The following TENM3 variants were observed in gnomAD, a reference collection of about 807,000 sequenced individuals.
The protein encoded by TENM3 is teneurin-3.
A neutral mutation model predicts 255.1 loss-of-function variants in TENM3; 63 were observed. The observed-to-expected ratio is 0.25, with a 90% CI of 0.20 to 0.30. The LOEUF (loss-of-function observed/expected upper bound fraction) is 0.30, where lower values mean the gene tolerates loss of function less well. Among genes scored for constraint, TENM3 ranks in the 10% least tolerant of loss-of-function variants. TENM3 has a pLI of 1.00. For synonymous variants in TENM3, 1,306 were observed against 1,322.3 expected (o/e 0.99, Z 0.27); for missense variants, 2,929 against 3,461.1 (o/e 0.85, Z 3.86).
At chr4:181,557,233 C>A in the TENM3 span, among the ~76,000 whole-genome samples, 15 of 152,106 alleles carry the variant, frequency 9.9e-5, no homozygotes, top group Non-Finnish European at 1.8e-4. Context: ...TTATAATTGT[C>A]TCCACTGTGT....
At chr4:182,564,806 C>T (rs747481876) in intron 3 of TENM3, among the ~76,000 whole-genome samples, 1 of 152,124 alleles carries the variant, frequency 6.6e-6, no homozygotes, top group South Asian at 2.1e-4. Flanking sequence ...ACATCTGTTT[C>T]TCTCTTCTTT....
intron 3 of TENM3, among the ~76,000 whole-genome samples, chr4:182,485,534 T>C (rs1448624404): frequency 6.6e-6 from 1 of 152,196 alleles, no homozygotes. Context: ...CATATATGCA[T>C]ACATACAGTA....
intron 3 of TENM3, among the ~76,000 whole-genome samples, chr4:182,530,216 G>C (rs931586192): frequency 6.6e-6 from 1 of 152,078 alleles, no homozygotes. Flanking sequence ...CAGACCGCAG[G>C]CTCATATTTT....
At chr4:182,488,450 GT>G (rs1352604796) in intron 3 of TENM3, among the ~76,000 whole-genome samples, 2 of 148,368 alleles carry the variant, frequency 1.3e-5, no homozygotes, top group Non-Finnish European at 3.0e-5. Context: ...GACTTGCTAA[GT>G]TATCTATATA....
intron 19 of TENM3, among the ~76,000 whole-genome samples, chr4:182,745,587 G>A (rs7690035): frequency 0.36 from 54,531 of 151,966 alleles, 10,560 homozygotes; most frequent in East Asian, 0.63. Context: ...TATAAGTGAC[G>A]TAGTAGAGGC....
chr4:181,670,597 G>A, the TENM3 span, among the ~76,000 whole-genome samples: 1 of 152,178 alleles, frequency 6.6e-6, no homozygotes, highest in Non-Finnish European at 1.5e-5. Context: ...TAGACACAAG[G>A]CACTGAAGTT....
the TENM3 span, among the ~76,000 whole-genome samples, chr4:181,935,662 G>A: frequency 1.3e-5 from 2 of 152,064 alleles, no homozygotes; most frequent in African/African-American, 4.8e-5. Flanking sequence ...TCTGCATGCC[G>A]GGCACTCCTG....
the TENM3 span, among the ~76,000 whole-genome samples, chr4:181,771,713 C>T: frequency 6.6e-6 from 1 of 152,172 alleles, no homozygotes; most frequent in African/African-American, 2.4e-5. Flanking sequence ...TTTTTAAATG[C>T]AGATTCTGGT....
intron 12 of TENM3, among the ~76,000 whole-genome samples, chr4:182,694,521 T>C (rs2152612312): frequency 6.6e-6 from 1 of 152,356 alleles, no homozygotes; most frequent in South Asian, 2.1e-4. Flanking sequence ...GCTACATTGA[T>C]TTTCATGTAC....
the TENM3 span, among the ~76,000 whole-genome samples, chr4:181,872,505 G>A: frequency 1.3e-5 from 2 of 151,928 alleles, no homozygotes; most frequent in Admixed American, 6.6e-5. Context: ...CCCAGTGTGT[G>A]TTGTTCCCCT....
intron 1 of TENM3, among the ~76,000 whole-genome samples, chr4:182,157,663 T>A (rs1402449609): frequency 6.6e-6 from 1 of 152,162 alleles, no homozygotes; most frequent in Non-Finnish European, 1.5e-5. Context: ...TGATTCATGT[T>A]AAATAGATAG....
chr4:182,743,803 G>A (rs1401340951), intron 19 of TENM3, among the ~76,000 whole-genome samples: 1 of 152,052 alleles, frequency 6.6e-6, no homozygotes, highest in African/African-American at 2.4e-5. Flanking sequence ...GTGATTTCAG[G>A]ACCTGATATT....
At chr4:182,491,334 T>C (rs543266960) in intron 3 of TENM3, among the ~76,000 whole-genome samples, 108 of 152,244 alleles carry the variant, frequency 7.1e-4, no homozygotes, top group African/African-American at 2.5e-3. Flanking sequence ...CTGAATATTG[T>C]TAAACAATAC....
the TENM3 span, among the ~76,000 whole-genome samples, chr4:181,589,353 A>C: frequency 1.5e-4 from 23 of 152,220 alleles, 1 homozygote; most frequent in Non-Finnish European, 3.4e-4. Flanking sequence ...TCCTTGCAGA[A>C]ATTGTTATAT....
chr4:182,679,704 T>G lies in TENM3; in HGVS notation c.1365T>G (p.Ile455Met), dbSNP rs770413299. Residue 455 changes from isoleucine to methionine, a missense_variant, in exon 8 of 28, where the codon ATT (isoleucine) becomes ATG (methionine). Transcript: ENST00000511685. ...FVELLDGSRLIAREQRSLLET... is the reference protein window; with the variant it reads ...FVELLDGSRLMAREQRSLLET... The stretch of plus-strand genomic sequence containing the variant: ...AGCTCCTGGATGGCAGCAGGCTGAT[T>G]GCCAGAGAGCAGCGGAGCCTGCTTG... The G allele has an allele frequency of 1.2e-6, 2 of 1,613,282 alleles. No homozygotes were observed. The highest frequency in any genetic ancestry group is 8.5e-7 in the Non-Finnish European group (1 of 1,179,866).
In TENM3 at chr4:182,779,145, A is replaced by G. The variant is rs865970514; in HGVS notation, c.5304+3992A>G. Among the ~76,000 whole-genome samples the G allele has an allele frequency of 2.8e-3, 416 of 149,668 alleles. 1 individual carries two copies. Among genetic ancestry groups the G allele is most frequent in the African/African-American group, 9.3e-3 (378 of 40,516 alleles). ...ATATGTATACATGTGCCATGCTGGT[A>G]CACTGCACCCACTAACTCGTCATCT... On this transcript the variant is annotated intron_variant, in intron 24 of 27. Transcript: ENST00000511685.
intron 1 of TENM3, among the ~76,000 whole-genome samples, chr4:182,254,688 T>C (rs985800873): frequency 6.6e-6 from 1 of 152,194 alleles, no homozygotes; most frequent in African/African-American, 2.4e-5. Flanking sequence ...GTGTGAGAAG[T>C]CTTTTATTTC....
At chr4:182,472,155 A>G (rs994416953) in intron 3 of TENM3, among the ~76,000 whole-genome samples, 3 of 152,120 alleles carry the variant, frequency 2.0e-5, no homozygotes, top group Admixed American at 6.5e-5. Flanking sequence ...ATGTAACTGT[A>G]ACTTCCATTT....
At chr4:182,417,480 CTT>C (rs1229484376) in intron 3 of TENM3, among the ~76,000 whole-genome samples, 2 of 152,056 alleles carry the variant, frequency 1.3e-5, no homozygotes, top group Non-Finnish European at 2.9e-5. Context: ...CATGCTTTTT[CTT>C]TATTTTTTAC....
Sources: gnomAD v4.1 joint callset for allele counts (sites outside exome capture counted in the v4.1 genomes callset) on GRCh38, gnomAD v4.1.1 for gene constraint, MANE v1.5 for transcripts, NCBI Gene and HGNC (gene_info 2026-07-23, HGNC 2026-07-21) for gene names.